COL13A1: variants seen among roughly 807,000 people sequenced by gnomAD.
The protein encoded by COL13A1 is collagen alpha-1(XIII) chain.
A neutral mutation model predicts 130.9 loss-of-function variants in COL13A1; 89 were observed. The observed-to-expected ratio is 0.68, with a 90% confidence interval of 0.57 to 0.81. COL13A1 has a LOEUF of 0.81. Among genes scored for constraint, COL13A1 ranks in the 30% least tolerant of loss-of-function variants. The probability of loss-of-function intolerance (pLI) is 0.00; values close to 1 mark genes in which losing one functional copy is unlikely to be tolerated. For missense variants in COL13A1, 879 were observed against 934.6 expected (o/e 0.94, Z 0.78); for synonymous variants, 402 against 341.6 (o/e 1.18, Z -1.95).
At chr10:69,954,151 C>A (rs910118092) in intron 39 of COL13A1, 2 of 152,810 alleles carry the variant, frequency 1.3e-5, no homozygotes, top group Admixed American at 6.5e-5. Context: ...CCACTTCCCA[C>A]TTCTTCATTC....
At chr10:69,873,750 G>A (rs971884119) in intron 4 of COL13A1, among the ~76,000 whole-genome samples, 10 of 152,202 alleles carry the variant, frequency 6.6e-5, no homozygotes, top group Non-Finnish European at 5.9e-5. Flanking sequence ...TCGGATCCAC[G>A]GGTCATGGTC....
chr10:69,818,146 C>T (rs1227771), intron 1 of COL13A1, among the ~76,000 whole-genome samples: 108,880 of 152,040 alleles, frequency 0.72, 39,079 homozygotes, highest in South Asian at 0.86. Context: ...CTTCCCACAA[C>T]GTGCTCTTGC....
intron 38 of COL13A1, among the ~76,000 whole-genome samples, chr10:69,951,119 G>A (rs1414448177): frequency 2.6e-5 from 4 of 152,096 alleles, no homozygotes; most frequent in African/African-American, 9.7e-5. Context: ...AAAGTGCTGG[G>A]ATTACAGACA....
intron 4 of COL13A1, 71 bp from the exon 5 acceptor site, chr10:69,875,057 G>A: frequency 3.1e-6 from 5 of 1,599,706 alleles, no homozygotes; most frequent in Non-Finnish European, 4.3e-6. Context: ...TGCACAGTTT[G>A]CCTATAGGGT....
chr10:69,920,672 C>T (rs2064537829), intron 21 of COL13A1, among the ~76,000 whole-genome samples: 1 of 152,232 alleles, frequency 6.6e-6, no homozygotes, highest in Non-Finnish European at 1.5e-5. Flanking sequence ...AGGGCTCTCA[C>T]CAGAACCTGG....
At chr10:69,889,356 G>A (rs1000603506) in intron 9 of COL13A1, 58 bp from the exon 10 acceptor site, 7 of 1,581,322 alleles carry the variant, frequency 4.4e-6, no homozygotes, top group Non-Finnish European at 6.0e-6. Context: ...GAAGGACAGA[G>A]GGTGGAACTT....
chr10:69,923,017 C>A (rs764939513), intron 23 of COL13A1, among the ~76,000 whole-genome samples: 3 of 152,204 alleles, frequency 2.0e-5, no homozygotes, highest in Non-Finnish European at 2.9e-5. Flanking sequence ...TTCCCTGGGG[C>A]AGATGGATGG....
At chr10:69,910,307 G>T (rs888504281) in intron 17 of COL13A1, among the ~76,000 whole-genome samples, 13 of 151,990 alleles carry the variant, frequency 8.6e-5, no homozygotes, top group African/African-American at 3.1e-4. Context: ...CAGCAGCTGG[G>T]GATGCCAAGC....
At chr10:69,868,302 G>A (rs913993677) in intron 3 of COL13A1, among the ~76,000 whole-genome samples, 1 of 151,036 alleles carries the variant, frequency 6.6e-6, no homozygotes, top group Non-Finnish European at 1.5e-5. Flanking sequence ...TTGGGCAGGT[G>A]GTGGTGGTGG....
chr10:69,907,313 T>C (rs2062862906), intron 17 of COL13A1, among the ~76,000 whole-genome samples: 1 of 152,214 alleles, frequency 6.6e-6, no homozygotes, highest in Non-Finnish European at 1.5e-5. Context: ...TCTTAGTCCA[T>C]TTCATGTTGC....
chr10:69,940,973 G>A lies in COL13A1; in HGVS notation c.1879-15G>A, dbSNP rs776053230. ...CTCTTCCCCTTCTTTTGGTCAAACTGTGCCCTTCGTCCAGGGAGCTTCAGG... is the reference window on the plus strand; with the variant it reads ...CTCTTCCCCTTCTTTTGGTCAAACTATGCCCTTCGTCCAGGGAGCTTCAGG... On this transcript the variant is annotated splice_polypyrimidine_tract_variant and intron_variant, in intron 34 of 40. Transcript: ENST00000645393. 2 of 1,613,634 alleles carry A rather than the reference G, an allele frequency of 1.2e-6. No homozygotes were observed. Among genetic ancestry groups the A allele is most frequent in the South Asian group, 1.1e-5 (1 of 91,058 alleles).
At chr10:69,810,023 C>G (rs564725182) in intron 1 of COL13A1, among the ~76,000 whole-genome samples, 2 of 152,312 alleles carry the variant, frequency 1.3e-5, no homozygotes, top group Admixed American at 1.3e-4. Context: ...GTTCTTCTAC[C>G]TTACTGTATA....
intron 2 of COL13A1, among the ~76,000 whole-genome samples, chr10:69,863,082 G>C (rs11592238): frequency 0.03 from 4,612 of 152,260 alleles, 67 homozygotes; most frequent in Middle Eastern, 0.054. Flanking sequence ...GAGCCCCGAG[G>C]CAGGTCTGGT....
chr10:69,949,956 TTG>T (rs1224551006), intron 38 of COL13A1, among the ~76,000 whole-genome samples: 2 of 139,936 alleles, frequency 1.4e-5, no homozygotes, highest in Non-Finnish European at 1.6e-5. Flanking sequence ...GTGCGTGTGT[TTG>T]TGTGTGCGTG....
In COL13A1 at chr10:69,812,341, T is replaced by C. The variant is rs895613631; in HGVS notation, c.294+9624T>C. Among the ~76,000 whole-genome samples the C allele has an allele frequency of 1.3e-5, 2 of 152,216 alleles. 1 individual carries two copies. The highest frequency in any genetic ancestry group is 1.3e-4 in the Admixed American group (2 of 15,286). The stretch of plus-strand genomic sequence containing the variant: ...CTGCCAGTTACTGCCTATGTGACCT[T>C]GGGCAAGTTATTCAAGCTCTCTGTG... On this transcript the variant is annotated intron_variant, in intron 1 of 40. Coordinates refer to ENST00000645393, the MANE Select transcript of COL13A1 (RefSeq NM_001368882.1).
chr10:69,831,940 A>G (rs1316200371), intron 2 of COL13A1, among the ~76,000 whole-genome samples: 2 of 152,158 alleles, frequency 1.3e-5, no homozygotes, highest in African/African-American at 2.4e-5. Context: ...GATGGGCTCA[A>G]TGTGGGGCCC....
rs145079743 is a variant in COL13A1 at position 69,899,943 on chromosome 10, T to C, written c.750+1181T>C. Among the ~76,000 whole-genome samples the C allele has an allele frequency of 3.4e-3, 522 of 152,312 alleles. 4 individuals are homozygous for C. Among genetic ancestry groups the C allele is most frequent in the African/African-American group, 0.012 (488 of 41,566 alleles). On this transcript the variant is annotated intron_variant, in intron 14 of 40. Transcript: ENST00000645393. ...GGGCCTAGATGTTCAGGCACCTGAT[T>C]GAACAAGGCTGAAAAATCCCTCCAA...
In COL13A1 at chr10:69,898,682, C is replaced by T. The variant is rs757507627; in HGVS notation, c.685-15C>T. The T allele has an allele frequency of 1.2e-5, 19 of 1,611,568 alleles. 1 individual carries two copies. The South Asian group carries it at 1.4e-4, about 12-fold the overall frequency. On this transcript the variant is annotated splice_polypyrimidine_tract_variant and intron_variant, in intron 13 of 40. Coordinates refer to ENST00000645393, the MANE Select transcript of COL13A1 (RefSeq NM_001368882.1). ...GCCTTTGCCCTCTGGCCCTCCAACT[C>T]ATCTTTCTCCTCAGCTGCTGCCTCT...
chr10:69,809,004 T>C (rs2132176925), intron 1 of COL13A1, among the ~76,000 whole-genome samples: 1 of 152,302 alleles, frequency 6.6e-6, no homozygotes, highest in South Asian at 2.1e-4. Flanking sequence ...GCAGAGAAGC[T>C]GGGGGCACCC....
Sources: allele counts gnomAD v4.1 joint callset (sites outside exome capture counted in the v4.1 genomes callset), GRCh38; gene constraint gnomAD v4.1.1; transcripts MANE v1.5; gene names NCBI Gene and HGNC (gene_info 2026-07-23, HGNC 2026-07-21).